ZNF398: variants seen among roughly 807,000 people sequenced by gnomAD.
ZNF398 encodes the protein zinc finger protein 398, also known as zinc finger DNA binding protein ZER6.
In ZNF398, 18 loss-of-function variants were observed where a neutral mutation model predicts 41.9. The ratio of observed to expected loss-of-function variants is 0.43; its 90% CI spans 0.30 to 0.64. The LOEUF is 0.64. Among genes scored for constraint, ZNF398 ranks in the 30% least tolerant of loss-of-function variants. The pLI is 0.14. For missense variants in ZNF398, 669 were observed against 822.8 expected, an observed-to-expected ratio of 0.81 and a Z score of 2.29; for synonymous variants, 260 against 308.8, an observed-to-expected ratio of 0.84 and a Z score of 1.66.
rs140891075 is a variant in ZNF398 at position 149,179,340 on chromosome 7, A to G, written c.1468A>G (p.Ile490Val). The G allele has an allele frequency of 1.3e-4, 213 of 1,613,436 alleles. No individual in the cohort carries two copies. Among genetic ancestry groups the G allele is most frequent in the Non-Finnish European group, 1.7e-4 (198 of 1,180,010 alleles). Residue 490 changes from isoleucine (I) to valine (V), a missense_variant, in exon 6 of 6, where the codon ATT (isoleucine) becomes GTT (valine). Physicochemically the swap from Ile to Val is conservative, Grantham distance 29. This residue lies in a region of ZNF398 where 210 missense variants were observed against 290.4 expected (regional missense o/e 0.72). Transcript: ENST00000475153. The surrounding 1 kb of genome is among the most constrained non-coding windows in gnomAD (Gnocchi z 6.1). The stretch of plus-strand genomic sequence containing the variant: ...CCCTTTCTCCTGCCCTCAGTGTGGC[A>G]TTGACTTCAACGGCCACTCGGCCCT... ...ERPFSCPQCGIDFNGHSALIR... is the reference protein window; with the variant it reads ...ERPFSCPQCGVDFNGHSALIR...
upstream of ZNF398, among the ~76,000 whole-genome samples, chr7:149,146,095 G>T (rs1399285278): frequency 2.6e-5 from 4 of 151,898 alleles, no homozygotes; most frequent in Non-Finnish European, 5.9e-5. Context: ...TCAGGTGCAC[G>T]ACACCACGCC....
At chr7:149,170,767 A>G (rs1795317210) in intron 4 of ZNF398, among the ~76,000 whole-genome samples, 1 of 152,058 alleles carries the variant, frequency 6.6e-6, no homozygotes. Flanking sequence ...ACATCTCTAT[A>G]GGGCACTTGC....
intron 2 of ZNF398, among the ~76,000 whole-genome samples, chr7:149,160,262 TCAA>T (rs759552296): frequency 8.6e-5 from 13 of 152,006 alleles, no homozygotes; most frequent in Non-Finnish European, 1.3e-4. Context: ...CACGGGGGTC[TCAA>T]CTAAAAATAC....
intron 2 of ZNF398, among the ~76,000 whole-genome samples, chr7:149,135,946 C>T (rs922184414): frequency 5.3e-5 from 8 of 151,956 alleles, no homozygotes; most frequent in African/African-American, 1.2e-4. Context: ...ACGGAGACTA[C>T]GTCTCCAAAA....
At chr7:149,160,346 G>A (rs1393404116) in intron 2 of ZNF398, among the ~76,000 whole-genome samples, 1 of 152,154 alleles carries the variant, frequency 6.6e-6, no homozygotes, top group African/African-American at 2.4e-5. Flanking sequence ...CAGGAGAATG[G>A]TGTGAACCTG....
chr7:149,176,019 ATTG>A (rs1392387285), intron 4 of ZNF398, among the ~76,000 whole-genome samples: 4 of 151,942 alleles, frequency 2.6e-5, no homozygotes, highest in African/African-American at 9.7e-5. Context: ...GTTCTGTGTT[ATTG>A]TTATAGTTAT....
chr7:149,158,662 C>G (rs1228560550), intron 2 of ZNF398, among the ~76,000 whole-genome samples: 2 of 151,862 alleles, frequency 1.3e-5, no homozygotes, highest in Non-Finnish European at 2.9e-5. Context: ...TGGTGAAACC[C>G]TGTCTCTACT....
chr7:149,138,650 T>A (rs985725815), intron 2 of ZNF398, among the ~76,000 whole-genome samples: 4 of 129,954 alleles, frequency 3.1e-5, no homozygotes, highest in Admixed American at 2.3e-4. Flanking sequence ...AAATAAATAT[T>A]GTGTGTGTGT....
At chr7:149,127,548 C>CAA (rs61080328) in intron 1 of ZNF398, among the ~76,000 whole-genome samples, 6,157 of 74,784 alleles carry the variant, frequency 0.082, 437 homozygotes, top group African/African-American at 0.15. Flanking sequence ...ACTAAAAATA[C>CAA]AAAAAAAAAA....
At chr7:149,167,634 C>CTTTTTTTTTTT (rs1163487497) in intron 4 of ZNF398, among the ~76,000 whole-genome samples, 50 of 133,928 alleles carry the variant, frequency 3.7e-4, no homozygotes, top group Middle Eastern at 4.2e-3. Flanking sequence ...TTTTTCTTTT[C>CTTTTTTTTTTT]TTTTTTTTTT....
rs1212330721 is a variant in ZNF398, at chr7:149,180,971, G to GC, written c.*1170_*1171insC. The stretch of plus-strand genomic sequence containing the variant: ...CACTGAGAGCTAAGCACCATGCATA[G>GC]ACAACAGTTTGTTCTTGCCTGTGTT... On this transcript the variant is annotated 3_prime_UTR_variant, in exon 6 of 6. Coordinates refer to ENST00000475153, the MANE Select transcript of ZNF398 (RefSeq NM_170686.3). The GC allele has an allele frequency of 1.3e-5, 2 of 152,590 alleles. No homozygotes were observed. Among genetic ancestry groups the GC allele is most frequent in the Admixed American group, 6.5e-5 (1 of 15,274 alleles). The allele number at this position is 152,590 out of a possible 1,614,324, so 9.5% of individuals were successfully genotyped here.
At chr7:149,154,456 CAGTCTG>C (rs1794928388) in intron 2 of ZNF398, 116 bp downstream of exon 2, 1 of 1,203,232 alleles carries the variant, frequency 8.3e-7, no homozygotes. Context: ...TAAAATATCT[CAGTCTG>C]AAAGAATCAT....
intron 1 of ZNF398, among the ~76,000 whole-genome samples, chr7:149,127,548 C>CA (rs61080328): frequency 0.084 from 6,311 of 74,800 alleles, 445 homozygotes; most frequent in African/African-American, 0.17. Flanking sequence ...ACTAAAAATA[C>CA]AAAAAAAAAA....
At chr7:149,170,757 A>G (rs1471660374) in intron 4 of ZNF398, among the ~76,000 whole-genome samples, 2 of 152,026 alleles carry the variant, frequency 1.3e-5, no homozygotes, top group Non-Finnish European at 2.9e-5. Flanking sequence ...ACAAAATGGT[A>G]CATCTCTATA....
Position 149,147,990 on chromosome 7 carries a change from G to A in ZNF398, c.24+224G>A. On this transcript the variant is annotated intron_variant, in intron 1 of 5. Transcript: ENST00000475153. The surrounding 1 kb of genome is among the most constrained non-coding windows in gnomAD (Gnocchi z 5.6). ...ACCAGGCTGGGCCGCAGGTCTGAGG[G>A]GCACTCGCAGGCAGCTATGAGACCC... The A allele has an allele frequency of 2.4e-6, 1 of 416,592 alleles. No individual in the cohort carries two copies. The highest frequency in any genetic ancestry group is 4.1e-6 in the Non-Finnish European group (1 of 244,446). The allele number at this position is 416,592 out of a possible 1,614,324, so 25.8% of individuals were successfully genotyped here.
intron 2 of ZNF398, among the ~76,000 whole-genome samples, chr7:149,132,684 A>T (rs116078436): frequency 7.6e-4 from 115 of 152,258 alleles, no homozygotes; most frequent in African/African-American, 2.5e-3. Context: ...ACCCTAATCT[A>T]CTTAATGCAA....
At chr7:149,172,454 C>A (rs6961918) in intron 4 of ZNF398, among the ~76,000 whole-genome samples, 10 of 152,094 alleles carry the variant, frequency 6.6e-5, no homozygotes, top group East Asian at 5.8e-4. Flanking sequence ...CGCGCTCCCC[C>A]CCTTTTTAAA....
chr7:149,149,125 A>G (rs1186375463), intron 1 of ZNF398, among the ~76,000 whole-genome samples: 13 of 151,970 alleles, frequency 8.6e-5, no homozygotes, highest in Admixed American at 8.5e-4. Context: ...CCGCGTCTCT[A>G]AAATAAAAAA....
chr7:149,137,204 G>A (rs956069704), intron 2 of ZNF398, among the ~76,000 whole-genome samples: 2 of 151,936 alleles, frequency 1.3e-5, no homozygotes, highest in East Asian at 1.9e-4. Context: ...AAAGTCAGTC[G>A]TCCAAATTTG....
Sources: allele counts gnomAD v4.1 joint callset (sites outside exome capture counted in the v4.1 genomes callset), GRCh38; gene constraint gnomAD v4.1.1; regional missense constraint gnomAD v4.1.1; non-coding constraint Gnocchi (gnomAD v3.1); transcripts MANE v1.5; gene names NCBI Gene and HGNC (gene_info 2026-07-23, HGNC 2026-07-21).